BLTP1: variants seen among roughly 807,000 people sequenced by gnomAD.
The protein encoded by BLTP1 is bridge-like lipid transfer protein family member 1, also known as fragile site-associated protein.
At chr4:122,156,464 A>G in the BLTP1 span, among the ~76,000 whole-genome samples, 1 of 152,202 alleles carries the variant, frequency 6.6e-6, no homozygotes. Flanking sequence ...AGTATTAGAC[A>G]TCTATAGACA....
the BLTP1 span, chr4:122,343,811 T>A: frequency 6.1e-6 from 3 of 489,176 alleles, no homozygotes; most frequent in African/African-American, 2.1e-5. Context: ...ACAAGAATTT[T>A]AAAATTCAGA....
chr4:122,219,261 T>G, the BLTP1 span: 2 of 1,542,484 alleles, frequency 1.3e-6, no homozygotes, highest in South Asian at 2.5e-5. Context: ...AATGCATAAT[T>G]TACAAATTTA....
At chr4:122,318,082 A>C in the BLTP1 span, 1 of 1,499,262 alleles carries the variant, frequency 6.7e-7, no homozygotes, top group African/African-American at 1.4e-5. Flanking sequence ...AAAAAGGAGC[A>C]AGTAAAAAAT....
the BLTP1 span, chr4:122,347,479 T>C: frequency 6.3e-7 from 1 of 1,580,372 alleles, no homozygotes; most frequent in Non-Finnish European, 8.6e-7. Context: ...GATTTTACCC[T>C]GTTACTTTGG....
At chr4:122,164,871 C>T in the BLTP1 span, among the ~76,000 whole-genome samples, 2 of 151,992 alleles carry the variant, frequency 1.3e-5, no homozygotes, top group African/African-American at 2.4e-5. Context: ...ACCCATGTCT[C>T]TGCATTTTAC....
the BLTP1 span, among the ~76,000 whole-genome samples, chr4:122,197,698 G>A: frequency 5.3e-5 from 8 of 152,080 alleles, no homozygotes; most frequent in Admixed American, 2.0e-4. Flanking sequence ...AGTAGATTTC[G>A]TCAGGGAGTA....
At chr4:122,266,527 T>G in the BLTP1 span, among the ~76,000 whole-genome samples, 1 of 152,086 alleles carries the variant, frequency 6.6e-6, no homozygotes, top group African/African-American at 2.4e-5. Flanking sequence ...TTCAGACACT[T>G]AGGTAGGGTC....
the BLTP1 span, chr4:122,356,497 C>CAGA: frequency 1.0e-6 from 1 of 973,698 alleles, no homozygotes; most frequent in Non-Finnish European, 1.5e-6. Context: ...CTGTAAATCA[C>CAGA]ATACAGATAT....
chr4:122,234,683 CTTATAT>C, the BLTP1 span: 3 of 1,287,596 alleles, frequency 2.3e-6, no homozygotes, highest in South Asian at 4.7e-5. Flanking sequence ...TTACAATTAA[CTTATAT>C]TTAATTATCT....
At chr4:122,301,764 T>C in the BLTP1 span, among the ~76,000 whole-genome samples, 4 of 152,322 alleles carry the variant, frequency 2.6e-5, no homozygotes, top group African/African-American at 9.6e-5. Flanking sequence ...ACTGCTGTTA[T>C]AATTTACTCT....
At chr4:122,325,435 G>C in the BLTP1 span, 1 of 1,399,368 alleles carries the variant, frequency 7.1e-7, no homozygotes, top group Non-Finnish European at 9.4e-7. Context: ...TCAAAGTATG[G>C]ATTGTGATGA....
chr4:122,255,736 T>G, the BLTP1 span, among the ~76,000 whole-genome samples: 1 of 152,178 alleles, frequency 6.6e-6, no homozygotes, highest in Non-Finnish European at 1.5e-5. Context: ...AAGGTGTTAG[T>G]AGAAGCTGTA....
the BLTP1 span, among the ~76,000 whole-genome samples, chr4:122,216,818 T>C: frequency 1.3e-5 from 2 of 152,202 alleles, no homozygotes; most frequent in Admixed American, 1.3e-4. Context: ...TTTTGGGCTC[T>C]TGGTGAAGAA....
the BLTP1 span, chr4:122,173,202 GT>G: frequency 6.3e-7 from 1 of 1,578,234 alleles, no homozygotes; most frequent in Non-Finnish European, 8.6e-7. Flanking sequence ...ATCTTGAGAT[GT>G]TGTCTTACCA....
chr4:122,348,793 G>C, the BLTP1 span: 1 of 981,750 alleles, frequency 1.0e-6, no homozygotes, highest in Non-Finnish European at 1.5e-6. Flanking sequence ...AAGATATTCA[G>C]AACCTTTTTT....
At chr4:122,304,811 C>T in the BLTP1 span, 1 of 1,613,334 alleles carries the variant, frequency 6.2e-7, no homozygotes, top group Non-Finnish European at 8.5e-7. Context: ...ATTCAAGTAA[C>T]GGCCACTACT....
the BLTP1 span, chr4:122,244,873 T>A: frequency 1.9e-6 from 2 of 1,054,008 alleles, no homozygotes; most frequent in Non-Finnish European, 2.6e-6. Flanking sequence ...GTATAATTTC[T>A]AAATATGTGG....
the BLTP1 span, among the ~76,000 whole-genome samples, chr4:122,309,618 G>C: frequency 6.6e-6 from 1 of 152,014 alleles, no homozygotes; most frequent in South Asian, 2.1e-4. Context: ...AACCATATTC[G>C]TGAAAAACTA....
chr4:122,260,999 T>C, the BLTP1 span, among the ~76,000 whole-genome samples: 480 of 152,314 alleles, frequency 3.2e-3, 1 homozygote, highest in African/African-American at 0.011. Context: ...TATGTACTTA[T>C]ATAGGCCTAA....
Sources: gnomAD v4.1 joint callset for allele counts (sites outside exome capture counted in the v4.1 genomes callset) on GRCh38, gnomAD v4.1.1 for gene constraint, MANE v1.5 for transcripts, NCBI Gene and HGNC (gene_info 2026-07-23, HGNC 2026-07-21) for gene names.